Variants in OSBPL8 observed in about 807,000 individuals in gnomAD.
OSBPL8 encodes oxysterol-binding protein-related protein 8.
In OSBPL8, 59 loss-of-function variants were observed where a neutral mutation model predicts 125.5. That is an observed-to-expected ratio of 0.47 (90% CI 0.38 to 0.58). OSBPL8 has a LOEUF of 0.58. Ranked by LOEUF, OSBPL8 falls within the 20% of genes least tolerant of loss-of-function variation. OSBPL8 has a pLI of 0.00. For missense variants in OSBPL8, 758 were observed against 1,047.8 expected (o/e 0.72, Z 3.82); for synonymous variants, 330 against 338.9 (o/e 0.97, Z 0.29).
intron 7 of OSBPL8, 45 bp downstream of exon 7, chr12:76,399,828 G>A: frequency 6.7e-7 from 1 of 1,483,850 alleles, no homozygotes; most frequent in Non-Finnish European, 9.1e-7. Flanking sequence ...CATTCCAGTA[G>A]GTAAACATCC....
intron 5 of OSBPL8, among the ~76,000 whole-genome samples, chr12:76,410,263 C>A (rs1954458844): frequency 1.3e-5 from 2 of 151,904 alleles, no homozygotes; most frequent in Admixed American, 1.3e-4. Context: ...AAGCCATAAA[C>A]CCTGAGAATA....
intron 2 of OSBPL8, among the ~76,000 whole-genome samples, chr12:76,471,784 T>G (rs746729116): frequency 2.0e-5 from 3 of 152,232 alleles, no homozygotes; most frequent in Non-Finnish European, 4.4e-5. Flanking sequence ...TGTGACAAAC[T>G]GAAAATGACT....
intron 2 of OSBPL8, among the ~76,000 whole-genome samples, chr12:76,464,065 G>C (rs2136858966): frequency 6.6e-6 from 1 of 152,208 alleles, no homozygotes; most frequent in East Asian, 1.9e-4. Context: ...TTTTGTTAAA[G>C]AACCTAAATA....
intron 1 of OSBPL8, among the ~76,000 whole-genome samples, chr12:76,503,560 C>T (rs1407264782): frequency 7.9e-5 from 12 of 152,198 alleles, no homozygotes; most frequent in South Asian, 4.1e-4. Flanking sequence ...ATTTTTGAGA[C>T]GGAGTCTCGC....
intron 1 of OSBPL8, among the ~76,000 whole-genome samples, chr12:76,508,007 C>T (rs1400012645): frequency 6.7e-6 from 1 of 148,414 alleles, no homozygotes; most frequent in South Asian, 2.1e-4. Context: ...CCTGTCTCTA[C>T]TAAAAATACA....
At chr12:76,434,815 A>G (rs1216731211) in intron 4 of OSBPL8, among the ~76,000 whole-genome samples, 1 of 152,258 alleles carries the variant, frequency 6.6e-6, no homozygotes, top group Non-Finnish European at 1.5e-5. Context: ...TCAATGAGGT[A>G]TCACTTCATA....
chr12:76,554,100 T>G (rs1951025407), intron 1 of OSBPL8, among the ~76,000 whole-genome samples: 2 of 152,180 alleles, frequency 1.3e-5, no homozygotes, highest in African/African-American at 4.8e-5. Flanking sequence ...ATTATGTTCT[T>G]TAATTTCCAG....
chr12:76,449,077 GAA>G (rs1438913534), intron 4 of OSBPL8, among the ~76,000 whole-genome samples: 2 of 152,116 alleles, frequency 1.3e-5, no homozygotes, highest in Non-Finnish European at 2.9e-5. Context: ...GTACTCATTT[GAA>G]AAGTTACTAA....
At chr12:76,435,757 T>C (rs1439852039) in intron 4 of OSBPL8, among the ~76,000 whole-genome samples, 1 of 152,162 alleles carries the variant, frequency 6.6e-6, no homozygotes, top group East Asian at 1.9e-4. Flanking sequence ...ATCACAATGA[T>C]GGTAAAGAAA....
intron 11 of OSBPL8, 55 bp from the exon 12 acceptor site, chr12:76,389,884 T>G: frequency 7.6e-7 from 1 of 1,323,258 alleles, no homozygotes; most frequent in Non-Finnish European, 1.0e-6. Context: ...GACAGATATG[T>G]AAACAAGCCA....
intron 1 of OSBPL8, among the ~76,000 whole-genome samples, chr12:76,544,008 C>A (rs1334158499): frequency 6.6e-6 from 1 of 152,048 alleles, no homozygotes; most frequent in East Asian, 1.9e-4. Flanking sequence ...CAGCACAGTG[C>A]CAAATCACAG....
chr12:76,488,530 T>C (rs1878395853), intron 1 of OSBPL8, among the ~76,000 whole-genome samples: 1 of 152,214 alleles, frequency 6.6e-6, no homozygotes, highest in Non-Finnish European at 1.5e-5. Context: ...TGTCTCTGTG[T>C]CATAGTTTGG....
chr12:76,525,428 G>A (rs1592851121), intron 1 of OSBPL8, among the ~76,000 whole-genome samples: 1 of 152,290 alleles, frequency 6.6e-6, no homozygotes. Flanking sequence ...GTCAAAGAAT[G>A]TTCAAAACTA....
At chr12:76,387,251 A>G (rs74103419) in intron 12 of OSBPL8, among the ~76,000 whole-genome samples, 54 of 152,324 alleles carry the variant, frequency 3.5e-4, no homozygotes, top group Middle Eastern at 3.4e-3. Flanking sequence ...CAAAGTACCT[A>G]TCTAAATATA....
intron 1 of OSBPL8, among the ~76,000 whole-genome samples, chr12:76,494,700 A>G (rs1879094305): frequency 6.6e-6 from 1 of 152,234 alleles, no homozygotes; most frequent in African/African-American, 2.4e-5. Flanking sequence ...TGGGAAAGAC[A>G]GCAGGAGGAG....
At chr12:76,427,125 C>T (rs1001776602) in intron 4 of OSBPL8, among the ~76,000 whole-genome samples, 4 of 152,108 alleles carry the variant, frequency 2.6e-5, no homozygotes, top group Non-Finnish European at 4.4e-5. Context: ...CTTCCATTAA[C>T]ATTCTTTACG....
chr12:76,458,700 A>T (rs76961576), intron 3 of OSBPL8, among the ~76,000 whole-genome samples: 11 of 146,254 alleles, frequency 7.5e-5, no homozygotes, highest in Non-Finnish European at 1.5e-4. Flanking sequence ...AATAAGAATT[A>T]AAAAAAAAAA....
chr12:76,459,506 T>C (rs1175260273), intron 3 of OSBPL8, among the ~76,000 whole-genome samples: 1 of 152,242 alleles, frequency 6.6e-6, no homozygotes, highest in African/African-American at 2.4e-5. Context: ...TGTTTCTCCC[T>C]TTCATATGGC....
chr12:76,481,161 C>T (rs1316823995), intron 2 of OSBPL8, among the ~76,000 whole-genome samples: 2 of 152,176 alleles, frequency 1.3e-5, no homozygotes, highest in East Asian at 1.9e-4. Flanking sequence ...ACCCTGCTAA[C>T]ACTTTGCTTT....
Sources: gnomAD v4.1 joint callset for allele counts (sites outside exome capture counted in the v4.1 genomes callset) on GRCh38, gnomAD v4.1.1 for gene constraint, MANE v1.5 for transcripts, NCBI Gene and HGNC (gene_info 2026-07-23, HGNC 2026-07-21) for gene names.